CAPN5: variants seen among roughly 807,000 people sequenced by gnomAD.
The protein encoded by CAPN5 is calpain 5.
A neutral mutation model predicts 73.0 loss-of-function variants in CAPN5; 54 were observed. The observed-to-expected ratio is 0.74, with a 90% CI of 0.59 to 0.93. CAPN5 has a LOEUF of 0.93. Among genes scored for constraint, CAPN5 ranks in the 40% least tolerant of loss-of-function variants. The pLI is 0.00. For missense variants in CAPN5, 785 were observed against 882.9 expected (o/e 0.89, Z 1.41); for synonymous variants, 335 against 356.9 (o/e 0.94, Z 0.69).
chr11:77,109,383 A>T (rs4945143), intron 3 of CAPN5, among the ~76,000 whole-genome samples: 1 of 149,296 alleles, frequency 6.7e-6, no homozygotes, highest in Non-Finnish European at 1.5e-5. Context: ...TTTCCAGTTT[A>T]AAAAAAAAAT....
intron 1 of CAPN5, among the ~76,000 whole-genome samples, chr11:77,069,248 G>A (rs1555032645): frequency 6.6e-6 from 1 of 152,214 alleles, no homozygotes; most frequent in East Asian, 1.9e-4. Flanking sequence ...CTCGGGGGAT[G>A]ATGAAGATGA....
At chr11:77,118,489 G>T in intron 8 of CAPN5, 137 bp downstream of exon 8, 1 of 678,644 alleles carries the variant, frequency 1.5e-6, no homozygotes, top group Non-Finnish European at 2.5e-6. Flanking sequence ...CTGTACAGTG[G>T]GGGTTAGATG....
chr11:77,103,431 C>A, intron 3 of CAPN5: 1 of 1,423,248 alleles, frequency 7.0e-7, no homozygotes, highest in Non-Finnish European at 9.5e-7. Context: ...TCTCGCTGCT[C>A]AGCCTGTCCT....
intron 2 of CAPN5, among the ~76,000 whole-genome samples, chr11:77,085,683 G>A (rs1163756861): frequency 6.6e-6 from 1 of 152,094 alleles, no homozygotes; most frequent in Non-Finnish European, 1.5e-5. Context: ...TGAGGCTAGA[G>A]TGTGTTACAC....
rs1264178900 is a variant in CAPN5, at chr11:77,119,093, C to T, written c.1231C>T (p.Arg411Trp). The T allele has an allele frequency of 9.9e-6, 16 of 1,613,908 alleles. No individual in the cohort carries two copies. The Admixed American group carries it at 1.3e-4, about 13-fold the overall frequency. ...VLICIQQRPK[R>W]STRREGKGEN... ...GATCTGCATCCAGCAGCGGCCAAAGCGGTCTACGCGCCGGGAGGGCAAGGG... is the reference window on the plus strand; with the variant it reads ...GATCTGCATCCAGCAGCGGCCAAAGTGGTCTACGCGCCGGGAGGGCAAGGG... Residue 411 changes from arginine to tryptophan, a missense_variant, in exon 9 of 13, where the codon CGG (arginine) becomes TGG (tryptophan). Arg to Trp is a moderately radical substitution (Grantham distance 101). Transcript: ENST00000648180.
intron 3 of CAPN5, among the ~76,000 whole-genome samples, chr11:77,101,367 A>T (rs992894667): frequency 6.6e-6 from 1 of 152,174 alleles, no homozygotes; most frequent in Non-Finnish European, 1.5e-5. Flanking sequence ...GAAGCCTCCC[A>T]TGGTAGTTCC....
At chr11:77,077,821 G>A (rs1209006998) in intron 1 of CAPN5, among the ~76,000 whole-genome samples, 1 of 152,116 alleles carries the variant, frequency 6.6e-6, no homozygotes, top group African/African-American at 2.4e-5. Context: ...AGCCAATGTT[G>A]AGCATTTTTT....
chr11:77,073,537 C>A (rs1949933853), intron 1 of CAPN5, among the ~76,000 whole-genome samples: 3 of 152,168 alleles, frequency 2.0e-5, no homozygotes. Context: ...CCAGCACAGC[C>A]CTCACATGCT....
chr11:77,084,078 C>G (rs184143136), intron 1 of CAPN5, among the ~76,000 whole-genome samples: 1 of 152,192 alleles, frequency 6.6e-6, no homozygotes. Flanking sequence ...CTTGGCCGTC[C>G]GAGCATCTCT....
chr11:77,121,688 G>A (rs1950521707), intron 10 of CAPN5, among the ~76,000 whole-genome samples: 2 of 151,672 alleles, frequency 1.3e-5, no homozygotes, highest in South Asian at 4.1e-4. Context: ...TTGGCACACA[G>A]CAGGTGCTCA....
At position 77,121,922 on chromosome 11, in the gene CAPN5, G is replaced by A. The variant is rs372626271; in HGVS notation, c.1488-12G>A. 3.8e-5 allele frequency: 57 copies of A among 1,493,496 alleles called. No individual in the cohort carries two copies. The highest frequency in any genetic ancestry group is 5.1e-5 in the South Asian group (4 of 78,500). The allele number at this position is 1,493,496 out of a possible 1,614,324, so 92.5% of individuals were successfully genotyped here. ...CTCCATCACTCCCCTCTCCCCTGCC[G>A]CCCCATATCAGGGAGCTGCGCCTGG... On this transcript the variant is annotated splice_polypyrimidine_tract_variant and intron_variant, in intron 10 of 12. Coordinates refer to ENST00000648180, the MANE Select transcript of CAPN5 (RefSeq NM_004055.5).
chr11:77,115,629 G>T, intron 6 of CAPN5, 41 bp downstream of exon 6: 2 of 1,546,342 alleles, frequency 1.3e-6, no homozygotes, highest in Non-Finnish European at 1.8e-6. Flanking sequence ...GGGCATGAGG[G>T]CTTGGACAAG....
intron 11 of CAPN5, 39 bp from the exon 12 acceptor site, chr11:77,122,537 A>ACCCC: frequency 1.2e-5 from 5 of 427,572 alleles, no homozygotes; most frequent in Non-Finnish European, 1.3e-5. Flanking sequence ...CACAGCCCCC[A>ACCCC]CCCCCACCCT....
chr11:77,089,771 G>T (rs1209895434), intron 2 of CAPN5, among the ~76,000 whole-genome samples: 1 of 152,198 alleles, frequency 6.6e-6, no homozygotes, highest in Non-Finnish European at 1.5e-5. Context: ...CTACTCTAGA[G>T]GCTAAGGCAG....
chr11:77,068,269 A>C (rs543274333), intron 1 of CAPN5, among the ~76,000 whole-genome samples: 2 of 152,168 alleles, frequency 1.3e-5, no homozygotes, highest in South Asian at 4.1e-4. Flanking sequence ...GCTGCAGGCC[A>C]GGTCAGGCTA....
Position 77,123,951 on chromosome 11 carries a change from A to T in CAPN5, c.*81A>T. The T allele has an allele frequency of 2.2e-6, 3 of 1,376,750 alleles. No homozygotes were observed. The highest frequency in any genetic ancestry group is 2.6e-5 in the South Asian group (2 of 76,574). The allele number at this position is 1,376,750 out of a possible 1,614,324, so 85.3% of individuals were successfully genotyped here. On this transcript the variant is annotated 3_prime_UTR_variant, in exon 13 of 13. Coordinates refer to ENST00000648180, the MANE Select transcript of CAPN5 (RefSeq NM_004055.5). ...TGGGCCTGAGTCTAGCCTGGGAGCC[A>T]GGATACTGGGGTCCTTTTCCCACTC...
chr11:77,082,784 A>G (rs1950041382), intron 1 of CAPN5, among the ~76,000 whole-genome samples: 1 of 152,150 alleles, frequency 6.6e-6, no homozygotes, highest in East Asian at 1.9e-4. Flanking sequence ...CCTGGAGAGC[A>G]GCCAGACCCT....
At chr11:77,088,567 A>T (rs1950116279) in intron 2 of CAPN5, among the ~76,000 whole-genome samples, 1 of 152,006 alleles carries the variant, frequency 6.6e-6, no homozygotes, top group South Asian at 2.1e-4. Flanking sequence ...TGTAGGCTAC[A>T]ACTCCCTTTC....
At position 77,122,578 on chromosome 11, in the gene CAPN5, G is replaced by T; in HGVS notation, c.1606G>T (p.Ala536Ser). 1 of 1,609,116 alleles carries T rather than the reference G, an allele frequency of 6.2e-7. No individual in the cohort carries two copies. The highest frequency in any genetic ancestry group is 8.5e-7 in the Non-Finnish European group (1 of 1,177,648). ...CATCTCCCACTCCCTCTCCCTAGGG[G>T]CTAACTCTTATGTGATCATCAAGTG... ...AAGLKDSPTGANSYVIIKCEG... is the reference protein window; with the variant it reads ...AAGLKDSPTGSNSYVIIKCEG... The change falls in exon 12 of 13, where the codon GCT (alanine) becomes TCT (serine). Residue 536 changes from alanine (A) to serine (S), a missense_variant and splice_region_variant. Physicochemically the swap from Ala to Ser is moderately conservative, Grantham distance 99 (BLOSUM62 1). Coordinates refer to ENST00000648180, the MANE Select transcript of CAPN5 (RefSeq NM_004055.5).
Sources: allele counts gnomAD v4.1 joint callset (sites outside exome capture counted in the v4.1 genomes callset), GRCh38; gene constraint gnomAD v4.1.1; transcripts MANE v1.5; gene names NCBI Gene and HGNC (gene_info 2026-07-23, HGNC 2026-07-21).